Variants in RAD21L1 observed in about 807,000 individuals in gnomAD.
RAD21L1 encodes RAD21 cohesin complex component like 1, also known as double-strand-break repair protein rad21-like protein 1.
A neutral mutation model predicts 69.0 loss-of-function variants in RAD21L1; 47 were observed. The observed-to-expected ratio is 0.68, with a 90% CI of 0.54 to 0.87. RAD21L1 has a LOEUF of 0.87. Ranked by LOEUF, RAD21L1 falls within the 40% of genes least tolerant of loss-of-function variation. The pLI, the probability that RAD21L1 is intolerant of heterozygous loss-of-function variation, is 0.00. For missense variants in RAD21L1, 583 were observed against 647.6 expected, an observed-to-expected ratio of 0.90 and a Z score of 1.08; for synonymous variants, 177 against 205.8, an observed-to-expected ratio of 0.86 and a Z score of 1.20.
chr20:1,240,620 C>T (rs2087587546), intron 8 of RAD21L1, among the ~76,000 whole-genome samples, 186 bp downstream of exon 8: 1 of 152,130 alleles, frequency 6.6e-6, no homozygotes, highest in Non-Finnish European at 1.5e-5. Flanking sequence ...AAGCGGGACT[C>T]AACTCCAGAA....
intron 6 of RAD21L1, 115 bp from the exon 7 acceptor site, chr20:1,239,197 T>C (rs367809745): frequency 4.9e-6 from 3 of 612,472 alleles, no homozygotes; most frequent in East Asian, 2.9e-5. Flanking sequence ...CTAGTTCACA[T>C]TAAAGATCTG....
In RAD21L1 at chr20:1,254,196, C is replaced by T. The variant is rs75850914; in HGVS notation, c.1480-73C>T. 864 of 984,748 alleles carry T rather than the reference C, an allele frequency of 8.8e-4. 2 individuals carry two copies. The highest frequency in any genetic ancestry group is 1.1e-3 in the Non-Finnish European group (741 of 699,362). The allele number at this position is 984,748 out of a possible 1,614,324, so 61.0% of individuals were successfully genotyped here. On this transcript the variant is annotated intron_variant, in intron 13 of 13. Transcript: ENST00000683101. ...AATGTCAATATTTTGTTGTTTATTA[C>T]GCATTTATAGCCGGCTTTACTTCTA...
At chr20:1,239,266 G>A in intron 6 of RAD21L1, 46 bp from the exon 7 acceptor site, 2 of 1,032,692 alleles carry the variant, frequency 1.9e-6, no homozygotes, top group South Asian at 1.5e-5. Flanking sequence ...GTGAACAAAT[G>A]ACAGATTCCA....
At chr20:1,249,892 C>T (rs532414676) in intron 13 of RAD21L1, among the ~76,000 whole-genome samples, 1 of 152,046 alleles carries the variant, frequency 6.6e-6, no homozygotes, top group Admixed American at 6.6e-5. Context: ...TTCTAGGGTA[C>T]ATGTGCACAA....
intron 5 of RAD21L1, among the ~76,000 whole-genome samples, chr20:1,237,526 T>TTA: frequency 6.6e-6 from 1 of 151,714 alleles, no homozygotes; most frequent in African/African-American, 2.4e-5. Flanking sequence ...TTTTTTTTTT[T>TTA]AACGGACCTC....
chr20:1,227,003 G>T (rs942157944), intron 1 of RAD21L1, among the ~76,000 whole-genome samples: 2 of 152,090 alleles, frequency 1.3e-5, no homozygotes, highest in African/African-American at 4.8e-5. Flanking sequence ...TCCGTCTCCC[G>T]GGTTCGAGCG....
At chr20:1,242,470 C>A (rs2087626441) in intron 8 of RAD21L1, 149 bp from the exon 9 acceptor site, 2 of 637,582 alleles carry the variant, frequency 3.1e-6, no homozygotes, top group South Asian at 3.8e-5. Flanking sequence ...TGGGCCCAAG[C>A]AATCCGCCCA....
chr20:1,246,128 T>C lies in RAD21L1; in HGVS notation c.1309-85T>C. On this transcript the variant is annotated intron_variant, in intron 11 of 13. Coordinates refer to ENST00000683101, the MANE Select transcript of RAD21L1 (RefSeq NM_001384355.1). The surrounding 1 kb of genome is among the most constrained non-coding windows in gnomAD (Gnocchi z 4.6). Reference sequence around the variant, plus strand: ...AATTAGTTTGAGAAGTGAGCATTCATGTGATTAAAGCATTTAATAAAATTA... The same window carrying C: ...AATTAGTTTGAGAAGTGAGCATTCACGTGATTAAAGCATTTAATAAAATTA... The C allele has an allele frequency of 1.7e-6, 1 of 594,988 alleles. No individual in the cohort carries two copies. Among genetic ancestry groups the C allele is most frequent in the Non-Finnish European group, 2.8e-6 (1 of 356,834 alleles). The allele number at this position is 594,988 out of a possible 1,614,324, so 36.9% of individuals were successfully genotyped here. A position where few individuals can be genotyped will look rare whatever the true frequency, so the allele number is the denominator to read the frequency against.
At chr20:1,230,652 G>A in intron 3 of RAD21L1, 1 of 339,080 alleles carries the variant, frequency 2.9e-6, no homozygotes, top group South Asian at 1.2e-4. Flanking sequence ...TATAATATCT[G>A]TCTCAGTGCC....
intron 5 of RAD21L1, among the ~76,000 whole-genome samples, chr20:1,237,426 G>T (rs1419860864): frequency 6.6e-6 from 1 of 151,794 alleles, no homozygotes; most frequent in Admixed American, 6.6e-5. Flanking sequence ...TTCCTCATCT[G>T]TACAATGAGA....
chr20:1,231,139 C>T lies in RAD21L1; in HGVS notation c.275-387C>T, dbSNP rs571689071. Among the ~76,000 whole-genome samples the T allele has an allele frequency of 1.8e-4, 27 of 152,104 alleles. No individual in the cohort carries two copies. The East Asian group carries it at 4.6e-3, about 26-fold the overall frequency. ...GTCCCTGAGGGAATAGCATTCTAGG[C>T]GGAGGAAACTGCAAGAGCAAAGGTC... is the stretch of plus-strand genomic sequence containing the variant. On this transcript the variant is annotated intron_variant, in intron 3 of 13. Coordinates refer to ENST00000683101, the MANE Select transcript of RAD21L1 (RefSeq NM_001384355.1).
At chr20:1,237,513 CT>C (rs11087027) in intron 5 of RAD21L1, among the ~76,000 whole-genome samples, 180 of 145,440 alleles carry the variant, frequency 1.2e-3, no homozygotes, top group Middle Eastern at 3.6e-3. Context: ...CTGGGTTTGT[CT>C]TTTTTTTTTT....
chr20:1,238,351 GT>G lies in RAD21L1; in HGVS notation c.646+141del, dbSNP rs1454402826. ...TAGGTCAATACTTTTTTTTATACAA[GT>G]TTTCAAAGTCTGTGGCATGTTTAAA... On this transcript the variant is annotated intron_variant, in intron 6 of 13. Transcript: ENST00000683101. 8 of 559,656 alleles carry G rather than the reference GT, an allele frequency of 1.4e-5. No homozygotes were observed. The East Asian group carries it at 2.5e-4, about 17-fold the overall frequency. 34.7% of individuals were successfully genotyped at this position (559,656 alleles called of 1,614,324 possible).
At chr20:1,227,953 AT>A (rs1475052412) in intron 1 of RAD21L1, among the ~76,000 whole-genome samples, 2 of 152,206 alleles carry the variant, frequency 1.3e-5, no homozygotes, top group Non-Finnish European at 2.9e-5. Flanking sequence ...GGGCAATGAA[AT>A]TCAACACCTG....
intron 1 of RAD21L1, chr20:1,226,397 C>T (rs1046238686): frequency 6.6e-6 from 1 of 152,340 alleles, no homozygotes; most frequent in Non-Finnish European, 1.5e-5. Context: ...CAGTTTCCCT[C>T]TGTGAGCACC....
intron 3 of RAD21L1, chr20:1,230,806 T>C (rs913827786): frequency 2.2e-6 from 1 of 465,034 alleles, no homozygotes. Context: ...TTTATTATTT[T>C]TTTACATATT....
At chr20:1,232,600 G>T (rs777432632) in intron 4 of RAD21L1, among the ~76,000 whole-genome samples, 13 of 152,286 alleles carry the variant, frequency 8.5e-5, no homozygotes, top group Non-Finnish European at 1.9e-4. Context: ...GATACTATAT[G>T]ATTTTTGGCA....
At chr20:1,243,945 C>T in intron 10 of RAD21L1, 101 bp from the exon 11 acceptor site, 1 of 1,008,400 alleles carries the variant, frequency 9.9e-7, no homozygotes, top group Non-Finnish European at 1.4e-6. Flanking sequence ...ATTCTTGGAT[C>T]CCAACATGTC....
At chr20:1,242,931 T>C in intron 9 of RAD21L1, 86 bp downstream of exon 9, 2 of 980,626 alleles carry the variant, frequency 2.0e-6, no homozygotes, top group Non-Finnish European at 3.1e-6. Flanking sequence ...TTTACATACA[T>C]ATATAACAGA....
Sources: gnomAD v4.1 joint callset for allele counts (sites outside exome capture counted in the v4.1 genomes callset) on GRCh38, gnomAD v4.1.1 for gene constraint, Gnocchi (gnomAD v3.1) non-coding constraint, MANE v1.5 for transcripts, NCBI Gene and HGNC (gene_info 2026-07-23, HGNC 2026-07-21) for gene names.